SLC23A2: variants seen among roughly 807,000 people sequenced by gnomAD.
SLC23A2 encodes the protein solute carrier family 23 member 2, also known as Na(+)/L-ascorbic acid transporter 2.
SLC23A2 carries 36 observed loss-of-function variants against 73.3 expected under a neutral mutation model. That is an observed-to-expected ratio of 0.49 (90% CI 0.38 to 0.65). The LOEUF is 0.65. SLC23A2 is among the 30% of genes least tolerant of loss of function. The pLI, the probability that SLC23A2 is intolerant of heterozygous loss-of-function variation, is 0.00. For missense variants in SLC23A2, 507 were observed against 841.6 expected (o/e 0.60, Z 4.92); for synonymous variants, 343 against 327.3 (o/e 1.05, Z -0.52).
intron 2 of SLC23A2, among the ~76,000 whole-genome samples, chr20:4,958,747 G>A (rs990301946): frequency 3.3e-5 from 5 of 151,758 alleles, no homozygotes; most frequent in African/African-American, 9.7e-5. Flanking sequence ...CAAATGTTAC[G>A]CTGTACTATA....
chr20:5,000,408 AC>A (rs771389964), intron 1 of SLC23A2, among the ~76,000 whole-genome samples: 2 of 152,120 alleles, frequency 1.3e-5, no homozygotes, highest in Non-Finnish European at 2.9e-5. Context: ...GACAGCTCAA[AC>A]CAGACTGCCT....
chr20:4,862,524 T>C lies in SLC23A2; in HGVS notation c.1486+254A>G, dbSNP rs545028316. Among the ~76,000 whole-genome samples the C allele has an allele frequency of 3.9e-5, 6 of 152,168 alleles. No individual in the cohort carries two copies. The highest frequency in any genetic ancestry group is 7.4e-5 in the Non-Finnish European group (5 of 68,018). On this transcript the variant is annotated intron_variant, in intron 14 of 16. Coordinates refer to ENST00000338244, the MANE Select transcript of SLC23A2 (RefSeq NM_005116.6). The surrounding 1 kb of genome is among the most constrained non-coding windows in gnomAD (Gnocchi z 5.1). ...TCAGAGGGATGGTATTTGAGTTAAATTGGTCAGAAATACTAAAGAGATTAA... is the reference window on the plus strand; with the variant it reads ...TCAGAGGGATGGTATTTGAGTTAAACTGGTCAGAAATACTAAAGAGATTAA...
chr20:4,969,108 CAG>C (rs1480924177), intron 2 of SLC23A2, among the ~76,000 whole-genome samples: 1 of 125,524 alleles, frequency 8.0e-6, no homozygotes, highest in Non-Finnish European at 1.8e-5. Flanking sequence ...TGTTTTGAGA[CAG>C]AGTTTCCCTC....
intron 6 of SLC23A2, among the ~76,000 whole-genome samples, chr20:4,887,737 C>A (rs912124490): frequency 1.1e-4 from 17 of 152,202 alleles, no homozygotes; most frequent in African/African-American, 4.1e-4. Flanking sequence ...CCGAGATGAT[C>A]TGGAAAGGGC....
intron 1 of SLC23A2, among the ~76,000 whole-genome samples, chr20:4,983,382 C>G (rs192349076): frequency 9.3e-4 from 142 of 152,298 alleles, no homozygotes; most frequent in African/African-American, 3.3e-3. Context: ...CGCAGTGGCT[C>G]ACGCCTGTAA....
chr20:4,869,581 A>G, intron 12 of SLC23A2: 1 of 255,230 alleles, frequency 3.9e-6, no homozygotes, highest in African/African-American at 2.2e-5. Flanking sequence ...GCAAAGAACA[A>G]GTGCAGTGCT....
intron 2 of SLC23A2, among the ~76,000 whole-genome samples, chr20:4,967,446 T>C (rs940275580): frequency 6.6e-6 from 1 of 152,224 alleles, no homozygotes; most frequent in Non-Finnish European, 1.5e-5. Context: ...TAGTAACTGT[T>C]ACACAACTGT....
intron 16 of SLC23A2, among the ~76,000 whole-genome samples, chr20:4,858,960 C>T (rs1929845039): frequency 6.6e-6 from 1 of 152,332 alleles, no homozygotes; most frequent in South Asian, 2.1e-4. Flanking sequence ...GAAACCCACA[C>T]TGCAGGGCCT....
intron 1 of SLC23A2, among the ~76,000 whole-genome samples, chr20:4,975,310 C>T (rs978215882): frequency 1.3e-4 from 20 of 151,986 alleles, no homozygotes; most frequent in Admixed American, 5.9e-4. Flanking sequence ...ATTGGTGCAG[C>T]GGTGAGTAAG....
Position 4,862,062 on chromosome 20 carries a change from A to C in SLC23A2, c.1510T>G (p.Ser504Ala). ...TTTAAATCAATGAACTGCAGGTTAG[A>C]GAGGCCAACAGCTGTGATCATTCCT... ...LFGMITAVGL[S>A]NLQFIDLNSS... The change falls in exon 15 of 17, where the codon TCT becomes GCT. Residue 504 changes from serine to alanine, a missense_variant. Ser to Ala is a moderately conservative substitution (Grantham distance 99). Around this residue, in one of 5 missense-constraint regions of SLC23A2, gnomAD observed 168 missense variants for 302.3 expected, o/e 0.56. Coordinates refer to ENST00000338244, the MANE Select transcript of SLC23A2 (RefSeq NM_005116.6). The surrounding 1 kb of genome is among the most constrained non-coding windows in gnomAD (Gnocchi z 5.1). 6 of 1,614,208 alleles carry C rather than the reference A, an allele frequency of 3.7e-6. No individual in the cohort carries two copies. Among genetic ancestry groups the C allele is most frequent in the Non-Finnish European group, 5.1e-6 (6 of 1,180,022 alleles).
intron 1 of SLC23A2, among the ~76,000 whole-genome samples, chr20:4,977,525 G>C (rs184889983): frequency 1.6e-4 from 24 of 150,276 alleles, no homozygotes; most frequent in Admixed American, 1.6e-3. Context: ...TCCCATCCCC[G>C]ACTCTACTAA....
intron 13 of SLC23A2, 116 bp downstream of exon 13, chr20:4,867,654 G>T: frequency 1.0e-5 from 4 of 399,446 alleles, no homozygotes; most frequent in Non-Finnish European, 1.8e-5. Flanking sequence ...AAAAAGGAGA[G>T]AAGTAATTTT....
At chr20:4,949,960 G>A (rs572848714) in intron 2 of SLC23A2, among the ~76,000 whole-genome samples, 15 of 152,254 alleles carry the variant, frequency 9.9e-5, no homozygotes, top group African/African-American at 3.6e-4. Context: ...AGCATGAGAC[G>A]CTCTCAGGTG....
chr20:5,003,169 G>A (rs916852623), upstream of SLC23A2, among the ~76,000 whole-genome samples: 1 of 152,138 alleles, frequency 6.6e-6, no homozygotes, highest in Non-Finnish European at 1.5e-5. Context: ...GGATCACGAG[G>A]TCAGGAGATC....
Position 4,884,807 on chromosome 20 carries a change from A to G in SLC23A2, c.588T>C (p.Asn196=), listed in dbSNP as rs369529230. 1 of 1,563,786 alleles carries G rather than the reference A, an allele frequency of 6.4e-7. No homozygotes were observed. Among genetic ancestry groups the G allele is most frequent in the Non-Finnish European group, 8.6e-7 (1 of 1,161,482 alleles). ...CTGTGTGCAACAGCTCTGCTGTTCC[A>G]TTGGCAACTGAAACATCTTGAAAAC... The part of the protein sequence containing the change: ...KCNTTDVSVA[N]GTAELLHTEH... The change falls in exon 8 of 17, where the codon AAT becomes AAC. Residue 196 remains asparagine (N), a synonymous_variant. Coordinates refer to ENST00000338244, the MANE Select transcript of SLC23A2 (RefSeq NM_005116.6).
chr20:4,889,230 C>T (rs948642524), intron 6 of SLC23A2, among the ~76,000 whole-genome samples: 1 of 151,994 alleles, frequency 6.6e-6, no homozygotes, highest in African/African-American at 2.4e-5. Context: ...TGCTTCGCCA[C>T]GTGTGTGGGG....
intron 3 of SLC23A2, 121 bp from the exon 4 acceptor site, chr20:4,913,099 C>T: frequency 1.4e-6 from 1 of 695,090 alleles, no homozygotes; most frequent in Non-Finnish European, 2.6e-6. Flanking sequence ...GAGAAACATA[C>T]TCCATGTACC....
chr20:4,857,228 C>T lies in SLC23A2; in HGVS notation c.1721-24G>A, dbSNP rs1929747565. ...GCCTGTCACACATCCCAAGATAGAA[C>T]AAAGGAATGCTTCGTTTAGCAGCTC... On this transcript the variant is annotated intron_variant, in intron 16 of 16. Coordinates refer to ENST00000338244, the MANE Select transcript of SLC23A2 (RefSeq NM_005116.6). This position sits in a 1 kb window ranked among gnomAD's most constrained non-coding sequence, Gnocchi z 4.0. 7.2e-7 allele frequency: 1 copy of T among 1,379,404 alleles called. No homozygotes were observed. Among genetic ancestry groups the T allele is most frequent in the South Asian group, 1.3e-5 (1 of 78,304 alleles). 85.4% of individuals were successfully genotyped at this position (1,379,404 alleles called of 1,614,324 possible). A position where few individuals can be genotyped will look rare whatever the true frequency, so the allele number is the denominator to read the frequency against.
At chr20:4,870,288 A>T (rs1236469846) in intron 11 of SLC23A2, among the ~76,000 whole-genome samples, 3 of 152,192 alleles carry the variant, frequency 2.0e-5, no homozygotes, top group Non-Finnish European at 2.9e-5. Flanking sequence ...AATTAAAAGA[A>T]AACATCGTAG....
Sources: gnomAD v4.1 joint callset for allele counts (sites outside exome capture counted in the v4.1 genomes callset) on GRCh38, gnomAD v4.1.1 for gene constraint, gnomAD v4.1.1 regional missense constraint, Gnocchi (gnomAD v3.1) non-coding constraint, MANE v1.5 for transcripts, NCBI Gene and HGNC (gene_info 2026-07-23, HGNC 2026-07-21) for gene names.